Variants in GHRHR observed in about 807,000 individuals in gnomAD.
The protein encoded by GHRHR is growth hormone releasing hormone receptor, also known as growth hormone-releasing hormone receptor.
GHRHR carries 40 observed loss-of-function variants against 58.3 expected under a neutral mutation model. That is an observed-to-expected ratio of 0.69 (90% confidence interval 0.53 to 0.89). The LOEUF (loss-of-function observed/expected upper bound fraction) is 0.89, where lower values mean the gene tolerates loss of function less well. GHRHR is among the 40% of genes least tolerant of loss of function. The pLI is 0.00. For missense variants in GHRHR, 551 were observed against 541.3 expected, an observed-to-expected ratio of 1.02 and a Z score of -0.18; for synonymous variants, 249 against 216.6, an observed-to-expected ratio of 1.15 and a Z score of -1.31.
chr7:30,972,197 C>A (rs1304382742), intron 6 of GHRHR, 102 bp downstream of exon 6: 2 of 1,291,416 alleles, frequency 1.5e-6, no homozygotes, highest in Admixed American at 3.7e-5. Context: ...TGTGGGCTGA[C>A]CCTGGGGCTC....
At chr7:30,968,708 G>C (rs1252207171) in intron 1 of GHRHR, 126 bp from the exon 2 acceptor site, 4 of 557,484 alleles carry the variant, frequency 7.2e-6, no homozygotes, top group Non-Finnish European at 1.4e-5. Flanking sequence ...ACTGTGAGCA[G>C]GTCTTTGCCT....
chr7:30,968,233 G>A (rs904311491), intron 1 of GHRHR, among the ~76,000 whole-genome samples: 7 of 152,164 alleles, frequency 4.6e-5, no homozygotes, highest in Non-Finnish European at 7.3e-5. Flanking sequence ...CACAGATTAG[G>A]ATGTGGACAT....
intron 1 of GHRHR, 32 bp downstream of exon 1, chr7:30,964,157 GC>G: frequency 6.5e-7 from 1 of 1,537,356 alleles, no homozygotes; most frequent in Non-Finnish European, 8.8e-7. Flanking sequence ...TCTGGCCTCT[GC>G]CACTGGGCTC....
chr7:30,964,084 T>TG lies in GHRHR; in HGVS notation c.22dup (p.Ala8GlyfsTer22), dbSNP rs1381777610. ...TGGGCTCACCATGGACCGCCGGATGTGGGGGGCCCACGTCTTCTGCGTGTT... is the reference window on the plus strand; with the variant it reads ...TGGGCTCACCATGGACCGCCGGATGTGGGGGGGCCCACGTCTTCTGCGTGTT... On this transcript the variant is annotated frameshift_variant, in exon 1 of 13. Transcript: ENST00000326139. LOFTEE classifies it high-confidence loss of function. 4 of 1,550,466 alleles carry TG rather than the reference T, an allele frequency of 2.6e-6. No individual in the cohort carries two copies. In the Admixed American group the frequency reaches 5.9e-5, roughly 23 times the overall value.
At chr7:30,974,399 C>T (rs1347292768) in intron 7 of GHRHR, 30 bp from the exon 8 acceptor site, 4 of 1,544,432 alleles carry the variant, frequency 2.6e-6, no homozygotes, top group Non-Finnish European at 3.6e-6. Context: ...TGCAGACTCC[C>T]TCGCTTGTGT....
chr7:30,967,624 G>C (rs925291517), intron 1 of GHRHR, among the ~76,000 whole-genome samples: 4 of 61,946 alleles, frequency 6.5e-5, no homozygotes, highest in Non-Finnish European at 1.2e-4. Flanking sequence ...CACCTCCCCA[G>C]CCATATATTT....
Position 30,975,510 on chromosome 7 carries a change from G to T in GHRHR, c.883-267G>T, listed in dbSNP as rs75379972. 7.5e-3 allele frequency among the ~76,000 whole-genome samples: 1,138 copies of T among 152,316 alleles called. 20 individuals are homozygous for T. Among genetic ancestry groups the T allele is most frequent in the East Asian group, 0.064 (333 of 5,178 alleles). ...TTTGTGCTAGAGAAGAGCCTGGGAG[G>T]TGGCTGGAGGCAGGTGGCAAGGCCT... On this transcript the variant is annotated intron_variant, in intron 9 of 12. Coordinates refer to ENST00000326139, the MANE Select transcript of GHRHR (RefSeq NM_000823.4).
rs760129030 is a variant in GHRHR at position 30,969,135 on chromosome 7, G to A, written c.233G>A (p.Cys78Tyr). ...TCTGGCGAGTGGGTCACCCTCCCCT[G>A]CCCGGATTTCTTCTCTCACTTCAGC... ...AGSGEWVTLP[C>Y]PDFFSHFSSE... The change falls in exon 3 of 13, where the codon TGC (cysteine) becomes TAC (tyrosine). Residue 78 changes from cysteine to tyrosine, a missense_variant. Coordinates refer to ENST00000326139, the MANE Select transcript of GHRHR (RefSeq NM_000823.4). 4 of 1,573,938 alleles carry A rather than the reference G, an allele frequency of 2.5e-6. No homozygotes were observed. Among genetic ancestry groups the A allele is most frequent in the African/African-American group, 1.3e-5 (1 of 74,482 alleles).
rs1366861771 is a variant in GHRHR, at chr7:30,971,160, C to G, written c.408C>G (p.Gly136=). Residue 136 remains glycine, a synonymous_variant, in exon 5 of 13, where the codon GGC becomes GGG. Transcript: ENST00000326139. ...CAGTGAAGATTATCTACACCGTGGG[C>G]CATAGCATCTCTATTGTAGCCCTCT... ...FSTVKIIYTV[G]HSISIVALFV... The G allele has an allele frequency of 3.3e-6, 5 of 1,531,126 alleles. No homozygotes were observed. Among genetic ancestry groups the G allele is most frequent in the Non-Finnish European group, 4.4e-6 (5 of 1,125,630 alleles). The allele number at this position is 1,531,126 out of a possible 1,614,324, so 94.8% of individuals were successfully genotyped here. A position where few individuals can be genotyped will look rare whatever the true frequency, so the allele number is the denominator to read the frequency against.
At chr7:30,969,303 C>A in intron 3 of GHRHR, 133 bp downstream of exon 3, 1 of 704,814 alleles carries the variant, frequency 1.4e-6, no homozygotes. Flanking sequence ...TGACCTCGGG[C>A]CAGTCAGTCT....
intron 11 of GHRHR, 95 bp from the exon 12 acceptor site, chr7:30,977,186 T>G: frequency 1.7e-6 from 2 of 1,161,172 alleles, no homozygotes; most frequent in Non-Finnish European, 2.6e-6. Context: ...AGCCATAGCC[T>G]GGGGATGAGT....
rs766344455 is a variant in GHRHR, at chr7:30,979,258, G to A, written c.*14G>A. 1.2e-5 allele frequency: 20 copies of A among 1,612,542 alleles called. No homozygotes were observed. Among genetic ancestry groups the A allele is most frequent in the African/African-American group, 9.3e-5 (7 of 74,922 alleles). On this transcript the variant is annotated 3_prime_UTR_variant, in exon 13 of 13. Coordinates refer to ENST00000326139, the MANE Select transcript of GHRHR (RefSeq NM_000823.4). ...TCTATGTGCTAGGCTGCCTCATCAC[G>A]CCACTGGAGTCCACACTTGAATTTG...
intron 7 of GHRHR, 33 bp downstream of exon 7, chr7:30,974,171 G>A (rs371079083): frequency 3.9e-5 from 62 of 1,608,286 alleles, no homozygotes; most frequent in Middle Eastern, 1.7e-4. Context: ...GCACCATGGG[G>A]AGGTAAAGGG....
At chr7:30,975,951 C>A in intron 10 of GHRHR, 83 bp downstream of exon 10, 1 of 815,056 alleles carries the variant, frequency 1.2e-6, no homozygotes, top group Non-Finnish European at 2.2e-6. Flanking sequence ...AATAAGCACT[C>A]ATGACCTCAG....
intron 1 of GHRHR, 135 bp downstream of exon 1, chr7:30,964,260 G>A: frequency 2.4e-6 from 2 of 828,700 alleles, no homozygotes; most frequent in Non-Finnish European, 4.0e-6. Context: ...GCAGGTGGCA[G>A]GCTGTGGCTT....
At chr7:30,973,850 G>C (rs1330442891) in intron 6 of GHRHR, 135 bp from the exon 7 acceptor site, 1 of 805,142 alleles carries the variant, frequency 1.2e-6, no homozygotes, top group African/African-American at 1.7e-5. Context: ...TCCCCTCTTG[G>C]GTGGCCCAAG....
Position 30,968,605 on chromosome 7 carries a change from TCTCCCTCCCTCCCTCC to T in GHRHR, c.58-206_58-191del, listed in dbSNP as rs74763704. Among the ~76,000 whole-genome samples, 35 of 81,150 alleles carry T rather than the reference TCTCCCTCCCTCCCTCC, an allele frequency of 4.3e-4. No homozygotes were observed. In the East Asian group the frequency reaches 4.6e-3, roughly 11 times the overall value. The allele number at this position is 81,150 out of a possible 152,430, so 53.2% of individuals were successfully genotyped here. On this transcript the variant is annotated intron_variant, in intron 1 of 12. Transcript: ENST00000326139. ...GGATTAGACCTTCTGTTCCTCCCTC[TCTCCCTCCCTCCCTCC>T]CTCCCTCCCTCCCTCCCTCCCTTCC...
At chr7:30,971,433 T>C (rs1313361766) in intron 5 of GHRHR, among the ~76,000 whole-genome samples, 1 of 152,078 alleles carries the variant, frequency 6.6e-6, no homozygotes, top group Non-Finnish European at 1.5e-5. Context: ...TGGTGCTCAT[T>C]CTATTTGCTT....
At chr7:30,975,755 C>T in intron 9 of GHRHR, 22 bp from the exon 10 acceptor site, 1 of 1,479,116 alleles carries the variant, frequency 6.8e-7, no homozygotes. Context: ...TGTCTTCCAC[C>T]TTCCTATGCC....
Sources: allele counts gnomAD v4.1 joint callset (sites outside exome capture counted in the v4.1 genomes callset), GRCh38; gene constraint gnomAD v4.1.1; transcripts MANE v1.5; gene names NCBI Gene and HGNC (gene_info 2026-07-23, HGNC 2026-07-21).